CNTN5: variants seen among roughly 807,000 people sequenced by gnomAD.
CNTN5 encodes the protein contactin-5.
Under a neutral mutation model 129.1 loss-of-function variants are expected in CNTN5, and 77 were observed. The observed-to-expected ratio is 0.60, with a 90% CI of 0.50 to 0.72. The LOEUF is 0.72. Ranked by LOEUF, CNTN5 falls within the 30% of genes least tolerant of loss-of-function variation. CNTN5 has a pLI of 0.00. For missense variants in CNTN5, 1,478 were observed against 1,328.8 expected (o/e 1.11, Z -1.75); for synonymous variants, 509 against 465.6 (o/e 1.09, Z -1.20).
At chr11:99,124,370 G>A (rs1028728400) in intron 1 of CNTN5, among the ~76,000 whole-genome samples, 24 of 151,948 alleles carry the variant, frequency 1.6e-4, no homozygotes, top group East Asian at 3.9e-4. Flanking sequence ...ACTTTTGCAC[G>A]TCGATTTTGT....
intron 3 of CNTN5, among the ~76,000 whole-genome samples, chr11:99,747,849 G>T (rs1181179850): frequency 2.0e-5 from 3 of 152,014 alleles, no homozygotes; most frequent in African/African-American, 7.2e-5. Flanking sequence ...GATTTGGGCT[G>T]GTCATATATG....
rs1370340609 is a variant in CNTN5 at position 100,113,443 on chromosome 11, AAAAAAAAAAAC to A, written c.1580+39152_1580+39162del. ...AAAAAAAAAAAAAAAAAAAAAAAAA[AAAAAAAAAAAC>A]AAGAAAGAAAAAAGAAAAAGAAAGA... On this transcript the variant is annotated intron_variant, in intron 13 of 24. Coordinates refer to ENST00000524871, the MANE Select transcript of CNTN5 (RefSeq NM_014361.4). 2.3e-3 allele frequency among the ~76,000 whole-genome samples: 319 copies of A among 141,102 alleles called. 3 individuals carry two copies. Among genetic ancestry groups the A allele is most frequent in the African/African-American group, 8.1e-3 (296 of 36,756 alleles). The allele number at this position is 141,102 out of a possible 152,430, so 92.6% of individuals were successfully genotyped here.
chr11:99,246,694 TAAGA>T (rs1259822799), intron 1 of CNTN5, among the ~76,000 whole-genome samples: 3 of 152,158 alleles, frequency 2.0e-5, no homozygotes, highest in Non-Finnish European at 4.4e-5. Context: ...ATAGAAATGC[TAAGA>T]AAGACAAACC....
At chr11:99,243,054 T>G (rs1436715919) in intron 1 of CNTN5, among the ~76,000 whole-genome samples, 2 of 152,134 alleles carry the variant, frequency 1.3e-5, no homozygotes, top group Non-Finnish European at 2.9e-5. Context: ...TTGAGAAATC[T>G]CCAAACTGCT....
intron 2 of CNTN5, among the ~76,000 whole-genome samples, chr11:99,372,428 C>T (rs1939879802): frequency 6.6e-6 from 1 of 152,136 alleles, no homozygotes; most frequent in Non-Finnish European, 1.5e-5. Context: ...CAAAGTGTAA[C>T]TGAAGTGATG....
At chr11:99,501,635 G>T (rs899413656) in intron 2 of CNTN5, among the ~76,000 whole-genome samples, 2 of 152,124 alleles carry the variant, frequency 1.3e-5, no homozygotes, top group African/African-American at 2.4e-5. Context: ...ACAGGTAAAA[G>T]ATATTTTTGT....
chr11:99,402,854 A>C (rs1462664630), intron 2 of CNTN5, among the ~76,000 whole-genome samples: 1 of 152,122 alleles, frequency 6.6e-6, no homozygotes, highest in African/African-American at 2.4e-5. Context: ...ATTTATTGGC[A>C]TATAGTTACT....
chr11:99,259,967 A>G (rs1217132477), intron 1 of CNTN5, among the ~76,000 whole-genome samples: 1 of 151,340 alleles, frequency 6.6e-6, no homozygotes, highest in Non-Finnish European at 1.5e-5. Context: ...CACTTTTTTA[A>G]TTTTCCTTGT....
chr11:99,750,813 T>C (rs972983991), intron 3 of CNTN5, among the ~76,000 whole-genome samples: 1 of 152,226 alleles, frequency 6.6e-6, no homozygotes, highest in South Asian at 2.1e-4. Flanking sequence ...TAAGGTGCAA[T>C]TTATATTGAT....
intron 7 of CNTN5, among the ~76,000 whole-genome samples, chr11:99,919,121 C>T (rs745739686): frequency 1.9e-4 from 29 of 152,284 alleles, no homozygotes; most frequent in Non-Finnish European, 2.8e-4. Flanking sequence ...CAGCATTCTT[C>T]TGCAGAAGCA....
intron 6 of CNTN5, among the ~76,000 whole-genome samples, chr11:99,908,212 G>GA (rs2135978423): frequency 6.6e-6 from 1 of 152,144 alleles, no homozygotes; most frequent in Non-Finnish European, 1.5e-5. Flanking sequence ...AATGAAGGGA[G>GA]AAAGGGGTAA....
intron 18 of CNTN5, among the ~76,000 whole-genome samples, chr11:100,282,944 T>C (rs2138824965): frequency 6.6e-6 from 1 of 152,278 alleles, no homozygotes; most frequent in East Asian, 1.9e-4. Flanking sequence ...AGTTAGCTTT[T>C]GGCGAATGGT....
chr11:100,131,280 A>G (rs10750494), intron 13 of CNTN5, among the ~76,000 whole-genome samples: 122,229 of 151,910 alleles, frequency 0.8, 50,067 homozygotes, highest in East Asian at 1. Context: ...GATGAAGAGC[A>G]AAGGAAAGAA....
rs1317979228 is a variant in CNTN5, at chr11:99,314,865, AAGT to A, written c.-209-10478_-209-10476del. 1.3e-5 allele frequency among the ~76,000 whole-genome samples: 2 copies of A among 148,440 alleles called. 1 individual carries two copies. The highest frequency in any genetic ancestry group is 4.9e-5 in the African/African-American group (2 of 40,844). ...AGATATAGTGGGAAGATAAAGAAGA[AAGT>A]AGCTTCAGAGAAGAGAATATTTGTT... On this transcript the variant is annotated intron_variant, in intron 1 of 24. Coordinates refer to ENST00000524871, the MANE Select transcript of CNTN5 (RefSeq NM_014361.4).
chr11:99,343,202 G>T (rs770265376), intron 2 of CNTN5, among the ~76,000 whole-genome samples: 3 of 152,172 alleles, frequency 2.0e-5, no homozygotes, highest in Non-Finnish European at 4.4e-5. Context: ...GAAAGAAATT[G>T]AGGATGTGTA....
intron 2 of CNTN5, among the ~76,000 whole-genome samples, chr11:99,420,933 A>G (rs572078632): frequency 2.6e-5 from 4 of 152,236 alleles, no homozygotes; most frequent in African/African-American, 9.6e-5. Context: ...TCCCAATTGC[A>G]CTGTTACAGA....
chr11:99,080,244 G>A (rs1337232717), intron 1 of CNTN5, among the ~76,000 whole-genome samples: 1 of 152,116 alleles, frequency 6.6e-6, no homozygotes, highest in Non-Finnish European at 1.5e-5. Flanking sequence ...ATTTGAATAG[G>A]CTTGAAAGAG....
chr11:100,131,231 C>T (rs1049706691), intron 13 of CNTN5, among the ~76,000 whole-genome samples: 10 of 151,900 alleles, frequency 6.6e-5, no homozygotes, highest in South Asian at 2.1e-4. Flanking sequence ...TTTTAGTGTT[C>T]AGGAGACAGA....
intron 1 of CNTN5, among the ~76,000 whole-genome samples, chr11:99,186,065 CT>C (rs1417284271): frequency 3.3e-5 from 5 of 151,680 alleles, no homozygotes; most frequent in African/African-American, 7.3e-5. Flanking sequence ...GTTACATATT[CT>C]TTTAAAGCAA....
Sources: allele counts gnomAD v4.1 joint callset (sites outside exome capture counted in the v4.1 genomes callset), GRCh38; gene constraint gnomAD v4.1.1; transcripts MANE v1.5; gene names NCBI Gene and HGNC (gene_info 2026-07-23, HGNC 2026-07-21).